Variants in MATR3 observed in about 807,000 individuals in gnomAD.
The protein encoded by MATR3 is matrin 3, also known as matrin-3.
Under a neutral mutation model 85.5 loss-of-function variants are expected in MATR3, and 4 were observed. That is an observed-to-expected ratio of 0.05 (90% confidence interval 0.02 to 0.11). The LOEUF is 0.11. Among genes scored for constraint, MATR3 ranks in the 10% least tolerant of loss-of-function variants. The pLI is 1.00. For missense variants in MATR3, 685 were observed against 1,016.1 expected (o/e 0.67, Z 4.43); for synonymous variants, 336 against 343.1 (o/e 0.98, Z 0.23).
intron 1 of MATR3, 74 bp downstream of exon 1, chr5:139,293,879 C>T (rs952082535): frequency 3.6e-6 from 3 of 826,400 alleles, no homozygotes; most frequent in South Asian, 5.7e-5. Context: ...GGGACAACGA[C>T]GGCGACAGGG....
chr5:139,328,158 G>A (rs1015281798), intron 14 of MATR3, among the ~76,000 whole-genome samples: 8 of 150,544 alleles, frequency 5.3e-5, no homozygotes, highest in South Asian at 4.2e-4. Context: ...CATCATGCCC[G>A]GCCTATTATT....
In MATR3 at chr5:139,330,768, T is replaced by C; in HGVS notation, c.*1373T>C. The stretch of plus-strand genomic sequence containing the variant: ...CTTTTCAAAATAATTACGTAGAGAC[T>C]CTTGGTATATTGGATTATCTGTTGT... On this transcript the variant is annotated 3_prime_UTR_variant, in exon 15 of 15. Coordinates refer to ENST00000394805, the MANE Select transcript of MATR3 (RefSeq NM_018834.6). 1 of 454,062 alleles carries C rather than the reference T, an allele frequency of 2.2e-6. No individual in the cohort carries two copies. The highest frequency in any genetic ancestry group is 4.4e-6 in the Non-Finnish European group (1 of 226,774). 28.1% of individuals were successfully genotyped at this position (454,062 alleles called of 1,614,324 possible).
chr5:139,299,214 C>T lies in MATR3; in HGVS notation c.-178+5409C>T, dbSNP rs1754316977. Among the ~76,000 whole-genome samples, 3 of 152,282 alleles carry T rather than the reference C, an allele frequency of 2.0e-5. No individual in the cohort carries two copies. In the South Asian group the frequency reaches 6.2e-4, roughly 32 times the overall value. On this transcript the variant is annotated intron_variant, in intron 1 of 14. Transcript: ENST00000394805. ...GGCCTTGAGAAAATAACTGGTATTA[C>T]ATGAAATGACAGAGGGATGCCTCCC... is the stretch of plus-strand genomic sequence containing the variant.
In MATR3 at chr5:139,331,606, C is replaced by T. The variant is rs538155815; in HGVS notation, c.*2211C>T. 4.2e-4 allele frequency: 192 copies of T among 454,050 alleles called. No homozygotes were observed. Among genetic ancestry groups the T allele is most frequent in the African/African-American group, 3.3e-3 (165 of 50,126 alleles). The allele number at this position is 454,050 out of a possible 1,614,324, so 28.1% of individuals were successfully genotyped here. On this transcript the variant is annotated 3_prime_UTR_variant, in exon 15 of 15. Transcript: ENST00000394805. ...GTAAAGTTTAAGAACATTTTTCCTA[C>T]GGCTATGTCAGCCCTTAGTTTAATC...
Position 139,314,818 on chromosome 5 carries a change from C to T in MATR3, c.974+82C>T, listed in dbSNP as rs2151980688. The T allele has an allele frequency of 3.3e-6, 4 of 1,205,760 alleles. No homozygotes were observed. The East Asian group carries it at 9.6e-5, about 29-fold the overall frequency. The allele number at this position is 1,205,760 out of a possible 1,614,324, so 74.7% of individuals were successfully genotyped here. ...TTGGTTTTTGGGAGTTCATCATTTA[C>T]TTGTAATATCCACAATGTTAATATC... is the stretch of plus-strand genomic sequence containing the variant. On this transcript the variant is annotated intron_variant, in intron 3 of 14. Coordinates refer to ENST00000394805, the MANE Select transcript of MATR3 (RefSeq NM_018834.6).
At chr5:139,322,096 TTTAAACA>T in intron 10 of MATR3, 67 bp downstream of exon 10, 1 of 1,529,720 alleles carries the variant, frequency 6.5e-7, no homozygotes, top group Non-Finnish European at 9.0e-7. Context: ...ACAACATTCT[TTTAAACA>T]TTTTTGTATG....
chr5:139,306,088 C>G (rs746714415), intron 1 of MATR3, among the ~76,000 whole-genome samples: 2 of 152,160 alleles, frequency 1.3e-5, no homozygotes, highest in Non-Finnish European at 2.9e-5. Context: ...CAAACAACTT[C>G]AGATTTACCT....
At chr5:139,302,855 T>C (rs1366300812) in intron 1 of MATR3, among the ~76,000 whole-genome samples, 1 of 152,186 alleles carries the variant, frequency 6.6e-6, no homozygotes, top group Non-Finnish European at 1.5e-5. Flanking sequence ...ATTTGGAAAA[T>C]CTGAGCATTT....
intron 1 of MATR3, among the ~76,000 whole-genome samples, chr5:139,303,354 C>G (rs942601470): frequency 6.7e-6 from 1 of 150,336 alleles, no homozygotes; most frequent in African/African-American, 2.4e-5. Context: ...CCCACCTCGG[C>G]TTCCCAAAGT....
chr5:139,322,757 G>A lies in MATR3; in HGVS notation c.1938G>A (p.Gln646=), dbSNP rs755732018. Residue 646 remains glutamine, a synonymous_variant, in exon 12 of 15, where the codon CAG becomes CAA. Coordinates refer to ENST00000394805, the MANE Select transcript of MATR3 (RefSeq NM_018834.6). The stretch of plus-strand genomic sequence containing the variant: ...ACACAAAGGATGACCAGACAGAGCA[G>A]GAACCTAATATGCTTCTTGAATCTG... The part of the protein sequence containing the change: ...EKDTKDDQTE[Q]EPNMLLESED... 25 of 1,614,024 alleles carry A rather than the reference G, an allele frequency of 1.5e-5. No individual in the cohort carries two copies. Among genetic ancestry groups the A allele is most frequent in the Non-Finnish European group, 2.0e-5 (24 of 1,180,038 alleles).
chr5:139,283,276 G>C (rs1330709418), intron 3 of MATR3: 7 of 152,292 alleles, frequency 4.6e-5, no homozygotes. Flanking sequence ...TGCTTCACCA[G>C]AGTGACAATG....
intron 3 of MATR3, among the ~76,000 whole-genome samples, chr5:139,281,360 T>TG (rs1753516513): frequency 6.8e-6 from 1 of 146,904 alleles, no homozygotes; most frequent in Admixed American, 6.8e-5. Context: ...TTTTTTGTTT[T>TG]TTTTTTTTTT....
At chr5:139,281,915 A>C (rs74789752) in intron 3 of MATR3, among the ~76,000 whole-genome samples, 294 of 152,320 alleles carry the variant, frequency 1.9e-3, no homozygotes, top group African/African-American at 6.9e-3. Context: ...ATTAATAAAC[A>C]CTATTCCTGG....
At chr5:139,308,643 G>GT (rs1754823894) in intron 2 of MATR3, among the ~76,000 whole-genome samples, 2 of 152,050 alleles carry the variant, frequency 1.3e-5, no homozygotes, top group South Asian at 4.1e-4. Flanking sequence ...TTGTTGAATT[G>GT]TTTTAAGTAT....
rs781395180 is a variant in MATR3, at chr5:139,325,294, A to G, written c.2149-146A>G. The G allele has an allele frequency of 1.9e-6, 3 of 1,553,950 alleles. No individual in the cohort carries two copies. The South Asian group carries it at 3.6e-5, about 18-fold the overall frequency. On this transcript the variant is annotated intron_variant, in intron 12 of 14. Coordinates refer to ENST00000394805, the MANE Select transcript of MATR3 (RefSeq NM_018834.6). The stretch of plus-strand genomic sequence containing the variant: ...GCAGAGTAAATTTGTCTTTCTTAAC[A>G]GCGTCGTTTTCCAGGGAGTATGGAA...
intron 1 of MATR3, among the ~76,000 whole-genome samples, chr5:139,304,096 T>A (rs1222766908): frequency 6.6e-6 from 1 of 152,218 alleles, no homozygotes; most frequent in Non-Finnish European, 1.5e-5. Flanking sequence ...TTTGTTTAGA[T>A]GTTGAATGTG....
At chr5:139,293,735 A>C, upstream of MATR3, 4 of 359,184 alleles carry the variant, frequency 1.1e-5, no homozygotes, top group Non-Finnish European at 1.5e-5. Context: ...GCTGCGGGGG[A>C]TTGTGGGAGT....
At chr5:139,286,019 T>C (rs1375431452) in intron 3 of MATR3, among the ~76,000 whole-genome samples, 2 of 152,148 alleles carry the variant, frequency 1.3e-5, no homozygotes, top group East Asian at 3.9e-4. Context: ...AATATCCAGA[T>C]CCAAGAACCC....
intron 1 of MATR3, among the ~76,000 whole-genome samples, chr5:139,297,689 G>A (rs1184485129): frequency 6.6e-6 from 1 of 152,160 alleles, no homozygotes; most frequent in East Asian, 1.9e-4. Context: ...TTGATGTGAT[G>A]TATAATTTTC....
Sources: allele counts gnomAD v4.1 joint callset (sites outside exome capture counted in the v4.1 genomes callset), GRCh38; gene constraint gnomAD v4.1.1; transcripts MANE v1.5; gene names NCBI Gene and HGNC (gene_info 2026-07-23, HGNC 2026-07-21).